Variants in DIAPH2 observed in about 807,000 individuals in gnomAD.
The protein encoded by DIAPH2 is diaphanous related formin 2.
A neutral mutation model predicts 92.7 loss-of-function variants in DIAPH2; 35 were observed. The ratio of observed to expected loss-of-function variants is 0.38; its 90% confidence interval spans 0.29 to 0.50. The LOEUF (loss-of-function observed/expected upper bound fraction) is 0.50. Ranked by LOEUF, DIAPH2 falls within the 20% of genes least tolerant of loss-of-function variation. The pLI, the probability that DIAPH2 is intolerant of heterozygous loss-of-function variation, is 0.94. For missense variants in DIAPH2, 701 were observed against 819.5 expected, an observed-to-expected ratio of 0.86 and a Z score of 1.77; for synonymous variants, 301 against 280.4, an observed-to-expected ratio of 1.07 and a Z score of -0.73.
At chrX:96,878,105 C>A (rs1181038325) in intron 4 of DIAPH2, among the ~76,000 whole-genome samples, 1 of 111,791 alleles carries the variant, frequency 8.9e-6, no homozygotes, top group East Asian at 2.8e-4. Flanking sequence ...TCTTGTCTTA[C>A]AGCCCTATTA....
chrX:96,767,416 CT>C, intron 4 of DIAPH2, among the ~76,000 whole-genome samples: 1 of 111,075 alleles, frequency 9.0e-6, no homozygotes, highest in Non-Finnish European at 1.9e-5. Context: ...TTCTCTGAAT[CT>C]CAGTCTTTTC....
At chrX:97,144,913 C>T (rs902077976) in intron 22 of DIAPH2, among the ~76,000 whole-genome samples, 5 of 111,461 alleles carry the variant, frequency 4.5e-5, no homozygotes, top group African/African-American at 6.5e-5. Flanking sequence ...TACAGGCGCA[C>T]GCCACCATGC....
chrX:97,181,128 G>A (rs1246840424), intron 22 of DIAPH2, among the ~76,000 whole-genome samples: 2 of 110,579 alleles, frequency 1.8e-5, no homozygotes, highest in African/African-American at 6.6e-5. Flanking sequence ...GGAGTGCAGT[G>A]GTGTGATCTC....
chrX:97,535,379 A>G (rs1406143283), intron 26 of DIAPH2, among the ~76,000 whole-genome samples: 1 of 112,504 alleles, frequency 8.9e-6, no homozygotes, highest in East Asian at 2.8e-4. Flanking sequence ...TAAATGTTAT[A>G]TGAACAGTGA....
chrX:97,272,440 G>A (rs745389304), intron 23 of DIAPH2, among the ~76,000 whole-genome samples: 21 of 111,975 alleles, frequency 1.9e-4, no homozygotes, highest in Middle Eastern at 9.2e-3. Context: ...GAAAAGAAAA[G>A]AAAACTTTAA....
chrX:97,583,224 C>T (rs1220713163), intron 26 of DIAPH2, among the ~76,000 whole-genome samples: 2 of 112,114 alleles, frequency 1.8e-5, no homozygotes, highest in African/African-American at 3.2e-5. Context: ...TGAGGAGCTG[C>T]GTTCCTTTGG....
chrX:96,705,083 C>T (rs888040869), intron 1 of DIAPH2, among the ~76,000 whole-genome samples: 2 of 107,304 alleles, frequency 1.9e-5, no homozygotes, highest in African/African-American at 6.8e-5. Flanking sequence ...AAGCAATTCT[C>T]CTGCCTCAGC....
chrX:96,774,219 C>T (rs2064360277), intron 4 of DIAPH2, among the ~76,000 whole-genome samples: 1 of 112,026 alleles, frequency 8.9e-6, no homozygotes, highest in Non-Finnish European at 1.9e-5. Context: ...TCCAGTCAGG[C>T]TGACTTCAGA....
At chrX:96,840,516 C>G (rs908241250) in intron 4 of DIAPH2, among the ~76,000 whole-genome samples, 2 of 111,871 alleles carry the variant, frequency 1.8e-5, no homozygotes, top group South Asian at 3.7e-4. Context: ...ACCTTCATTC[C>G]AGGGTCCATG....
chrX:97,063,188 C>T (rs1386412456), intron 17 of DIAPH2, among the ~76,000 whole-genome samples: 2 of 111,579 alleles, frequency 1.8e-5, no homozygotes, highest in Non-Finnish European at 3.8e-5. Context: ...AAAATTGAAA[C>T]CAGTTGGAAT....
chrX:96,927,803 T>G (rs1245772595), intron 9 of DIAPH2, among the ~76,000 whole-genome samples: 2 of 110,635 alleles, frequency 1.8e-5, no homozygotes, highest in Non-Finnish European at 3.8e-5. Flanking sequence ...GGGATGCCAT[T>G]TATACTTTAC....
chrX:96,746,365 A>G (rs2064150200), intron 3 of DIAPH2, among the ~76,000 whole-genome samples: 2 of 111,895 alleles, frequency 1.8e-5, no homozygotes, highest in African/African-American at 6.5e-5. Context: ...AATTAAAACC[A>G]CTGCTTTTAT....
chrX:97,466,432 GA>G (rs1455071510), intron 26 of DIAPH2, among the ~76,000 whole-genome samples: 1 of 100,209 alleles, frequency 1.0e-5, no homozygotes, highest in East Asian at 3.2e-4. Flanking sequence ...AGGCATTTGA[GA>G]CTTAAAAAAC....
chrX:97,373,630 G>A (rs1383257595), intron 24 of DIAPH2, among the ~76,000 whole-genome samples: 3 of 83,874 alleles, frequency 3.6e-5, no homozygotes, highest in African/African-American at 8.4e-5. Context: ...TTTTTGAGAC[G>A]GAGTTTCGCT....
intron 3 of DIAPH2, among the ~76,000 whole-genome samples, chrX:96,744,788 C>T (rs1340779199): frequency 9.0e-6 from 1 of 111,439 alleles, no homozygotes; most frequent in Non-Finnish European, 1.9e-5. Flanking sequence ...TATTTCACTC[C>T]TTGTGGGTGT....
At chrX:97,553,656 A>G (rs1602665268) in intron 26 of DIAPH2, among the ~76,000 whole-genome samples, 1 of 83,235 alleles carries the variant, frequency 1.2e-5, no homozygotes, top group East Asian at 4.1e-4. Flanking sequence ...AACTTAATGC[A>G]GTGAGTAGGT....
At chrX:97,597,989 G>A (rs1312853494) in intron 26 of DIAPH2, among the ~76,000 whole-genome samples, 1 of 111,305 alleles carries the variant, frequency 9.0e-6, no homozygotes, top group Admixed American at 9.5e-5. Context: ...TAATGAGGCT[G>A]GGGTCATGGA....
intron 22 of DIAPH2, among the ~76,000 whole-genome samples, chrX:97,226,410 T>C (rs1445178898): frequency 9.0e-6 from 1 of 111,398 alleles, no homozygotes; most frequent in African/African-American, 3.3e-5. Flanking sequence ...AGTCTCACCT[T>C]GTTGCCCAGG....
chrX:96,913,879 AT>A (rs1193551247), intron 7 of DIAPH2, among the ~76,000 whole-genome samples: 5 of 109,926 alleles, frequency 4.5e-5, no homozygotes, highest in Non-Finnish European at 9.5e-5. Context: ...TCTATAAACT[AT>A]TTTTTTTACT....
Sources: allele counts gnomAD v4.1 joint callset (sites outside exome capture counted in the v4.1 genomes callset), GRCh38; gene constraint gnomAD v4.1.1; transcripts MANE v1.5; gene names NCBI Gene and HGNC (gene_info 2026-07-23, HGNC 2026-07-21).